The following FSHR variants were observed in gnomAD, a reference collection of about 807,000 sequenced individuals.
The protein encoded by FSHR is follicle-stimulating hormone receptor.
Under a neutral mutation model 52.1 loss-of-function variants are expected in FSHR, and 46 were observed. That is an observed-to-expected ratio of 0.88 (90% CI 0.70 to 1.13). The LOEUF (loss-of-function observed/expected upper bound fraction) is 1.13, where lower values mean the gene tolerates loss of function less well. Among genes scored for constraint, FSHR ranks in the 50% most tolerant of loss-of-function variants. The pLI is 0.00. For synonymous variants in FSHR, 399 were observed against 309.6 expected, an observed-to-expected ratio of 1.29 and a Z score of -3.03; for missense variants, 964 against 834.6, an observed-to-expected ratio of 1.16 and a Z score of -1.91.
intron 4 of FSHR, among the ~76,000 whole-genome samples, chr2:49,015,282 T>C (rs1216603234): frequency 6.6e-6 from 1 of 152,198 alleles, no homozygotes; most frequent in African/African-American, 2.4e-5. Context: ...CAACTTCCTC[T>C]TTTTGAACCC....
intron 2 of FSHR, among the ~76,000 whole-genome samples, chr2:49,064,058 G>T (rs1022775415): frequency 5.4e-5 from 7 of 129,692 alleles, no homozygotes; most frequent in African/African-American, 2.0e-4. Context: ...AAGGCATGAA[G>T]AGTTTGTGTG....
In FSHR at chr2:49,152,702, C is replaced by G. The variant is rs58910362; in HGVS notation, c.152+1564G>C. 9.6e-3 allele frequency among the ~76,000 whole-genome samples: 1,455 copies of G among 152,216 alleles called. 17 individuals are homozygous for G. Among genetic ancestry groups the G allele is most frequent in the African/African-American group, 0.032 (1,320 of 41,540 alleles). On this transcript the variant is annotated intron_variant, in intron 1 of 9. Transcript: ENST00000406846. ...TGACACTGCTTGACCCACATGGAAA[C>G]ATTGGAAAAAGTGGAGTAGGTCCAG...
chr2:49,138,396 G>A (rs1672559990), intron 1 of FSHR, among the ~76,000 whole-genome samples: 1 of 152,066 alleles, frequency 6.6e-6, no homozygotes, highest in South Asian at 2.1e-4. Context: ...ACTAAAACTT[G>A]TACACAAATG....
chr2:48,990,832 C>T (rs1675738128), intron 4 of FSHR, among the ~76,000 whole-genome samples, 195 bp from the exon 5 acceptor site: 1 of 151,892 alleles, frequency 6.6e-6, no homozygotes, highest in Admixed American at 6.6e-5. Flanking sequence ...GCTGTTGATT[C>T]CTCAGAGAAA....
chr2:49,030,599 G>C (rs1558400567), intron 2 of FSHR, among the ~76,000 whole-genome samples: 1 of 152,102 alleles, frequency 6.6e-6, no homozygotes, highest in South Asian at 2.1e-4. Flanking sequence ...ACATTTGGCT[G>C]CTTTTGTATT....
At chr2:48,964,828 G>A (rs930542218) in intron 9 of FSHR, among the ~76,000 whole-genome samples, 2 of 152,116 alleles carry the variant, frequency 1.3e-5, no homozygotes, top group Non-Finnish European at 2.9e-5. Flanking sequence ...GGATTTGAAT[G>A]AAATCCAGGT....
chr2:49,051,903 C>T (rs1234576748), intron 2 of FSHR, among the ~76,000 whole-genome samples: 1 of 151,700 alleles, frequency 6.6e-6, no homozygotes, highest in East Asian at 1.9e-4. Flanking sequence ...ATTGTTTTTC[C>T]AATATGGATA....
At chr2:49,140,738 C>T (rs1403431968) in intron 1 of FSHR, among the ~76,000 whole-genome samples, 1 of 151,906 alleles carries the variant, frequency 6.6e-6, no homozygotes, top group Non-Finnish European at 1.5e-5. Flanking sequence ...GTACAGTTCC[C>T]CACATCTAGA....
chr2:49,097,026 C>A (rs2103710398), intron 1 of FSHR, among the ~76,000 whole-genome samples: 1 of 152,258 alleles, frequency 6.6e-6, no homozygotes, highest in South Asian at 2.1e-4. Context: ...AACTATGAGC[C>A]AATTAAATCT....
intron 1 of FSHR, among the ~76,000 whole-genome samples, chr2:49,150,564 A>C (rs147296734): frequency 2.1e-4 from 32 of 152,210 alleles, no homozygotes; most frequent in Non-Finnish European, 3.7e-4. Flanking sequence ...TTAGGCACAC[A>C]TGGTGATTTC....
At chr2:48,996,112 C>T (rs978787388) in intron 4 of FSHR, among the ~76,000 whole-genome samples, 2 of 152,110 alleles carry the variant, frequency 1.3e-5, no homozygotes, top group African/African-American at 4.8e-5. Flanking sequence ...TTTTCTCTAC[C>T]TACTAATTGG....
intron 1 of FSHR, among the ~76,000 whole-genome samples, chr2:49,069,043 T>G (rs1017149108): frequency 6.6e-6 from 1 of 152,124 alleles, no homozygotes; most frequent in Non-Finnish European, 1.5e-5. Flanking sequence ...GCTTTTGCCG[T>G]TTTCTTCTGC....
rs570960477 is a variant in FSHR at position 49,140,525 on chromosome 2, G to GC, written c.152+13740dup. 2.0e-5 allele frequency among the ~76,000 whole-genome samples: 3 copies of GC among 151,950 alleles called. No homozygotes were observed. In the South Asian group the frequency reaches 6.2e-4, roughly 32 times the overall value. On this transcript the variant is annotated intron_variant, in intron 1 of 9. Transcript: ENST00000406846. ...GTCTCAGGTATTTATTTATAGTACT[G>GC]CAAGAATGGCCTAACACTACAAAAA...
chr2:49,100,861 G>A (rs907441058), intron 1 of FSHR, among the ~76,000 whole-genome samples: 1 of 152,168 alleles, frequency 6.6e-6, no homozygotes, highest in Admixed American at 6.6e-5. Context: ...CTGACCCAAA[G>A]GAAGGGACCA....
At chr2:48,984,884 T>C (rs1172605757) in intron 6 of FSHR, among the ~76,000 whole-genome samples, 1 of 152,226 alleles carries the variant, frequency 6.6e-6, no homozygotes, top group Non-Finnish European at 1.5e-5. Flanking sequence ...CCTTTGTCTT[T>C]ATGGATTATC....
chr2:49,121,504 C>T lies in FSHR; in HGVS notation c.152+32762G>A, dbSNP rs181175567. Among the ~76,000 whole-genome samples the T allele has an allele frequency of 2.7e-3, 412 of 152,246 alleles. 2 individuals carry two copies. Among genetic ancestry groups the T allele is most frequent in the African/African-American group, 9.3e-3 (386 of 41,542 alleles). On this transcript the variant is annotated intron_variant, in intron 1 of 9. Transcript: ENST00000406846. ...TCCTGTGCATCTCTAGAGTTGAAAGCAGTGTGGGAAGTGGGTTAATTGTTT... is the reference window on the plus strand; with the variant it reads ...TCCTGTGCATCTCTAGAGTTGAAAGTAGTGTGGGAAGTGGGTTAATTGTTT...
intron 1 of FSHR, among the ~76,000 whole-genome samples, chr2:49,088,913 A>C (rs1670496699): frequency 6.6e-6 from 1 of 152,228 alleles, no homozygotes; most frequent in African/African-American, 2.4e-5. Flanking sequence ...AAAGTTTCAC[A>C]CATTTAATCA....
At chr2:49,088,633 C>A (rs1670488145) in intron 1 of FSHR, among the ~76,000 whole-genome samples, 1 of 152,138 alleles carries the variant, frequency 6.6e-6, no homozygotes, top group Non-Finnish European at 1.5e-5. Flanking sequence ...TAATATCCAC[C>A]TGATTTAACT....
intron 1 of FSHR, among the ~76,000 whole-genome samples, chr2:49,137,847 T>C (rs145727873): frequency 3.3e-5 from 5 of 152,048 alleles, no homozygotes; most frequent in African/African-American, 1.2e-4. Flanking sequence ...TATAAAACTC[T>C]CAGAAGAATG....
Sources: gnomAD v4.1 joint callset for allele counts (sites outside exome capture counted in the v4.1 genomes callset) on GRCh38, gnomAD v4.1.1 for gene constraint, MANE v1.5 for transcripts, NCBI Gene and HGNC (gene_info 2026-07-23, HGNC 2026-07-21) for gene names.